OPCML: variants seen among roughly 807,000 people sequenced by gnomAD.
The protein encoded by OPCML is opioid-binding protein/cell adhesion molecule.
Under a neutral mutation model 37.8 loss-of-function variants are expected in OPCML, and 13 were observed. The ratio of observed to expected loss-of-function variants is 0.34; its 90% CI spans 0.22 to 0.55. The LOEUF is 0.55. Among genes scored for constraint, OPCML ranks in the 20% least tolerant of loss-of-function variants. OPCML has a pLI of 0.91. For synonymous variants in OPCML, 176 were observed against 168.8 expected, an observed-to-expected ratio of 1.04 and a Z score of -0.33; for missense variants, 341 against 435.6, an observed-to-expected ratio of 0.78 and a Z score of 1.93.
At chr11:132,760,238 G>C (rs1946211457) in intron 2 of OPCML, among the ~76,000 whole-genome samples, 1 of 152,072 alleles carries the variant, frequency 6.6e-6, no homozygotes, top group African/African-American at 2.4e-5. Flanking sequence ...AATTTTAGAA[G>C]AAGTGCTATG....
intron 1 of OPCML, among the ~76,000 whole-genome samples, chr11:133,314,167 G>A (rs1295461763): frequency 1.4e-5 from 2 of 144,832 alleles, no homozygotes; most frequent in East Asian, 2.0e-4. Context: ...CCCAGGAGTC[G>A]GAGCTTGCAG....
chr11:132,777,836 G>T (rs183223277), intron 2 of OPCML, among the ~76,000 whole-genome samples: 1 of 152,114 alleles, frequency 6.6e-6, no homozygotes, highest in Non-Finnish European at 1.5e-5. Context: ...GTTTAAAGGC[G>T]CAGACCACTT....
intron 1 of OPCML, among the ~76,000 whole-genome samples, chr11:133,246,393 G>A (rs1330466161): frequency 6.6e-6 from 1 of 152,156 alleles, no homozygotes; most frequent in African/African-American, 2.4e-5. Context: ...GCAAAGGAGA[G>A]CATGTAACAC....
intron 4 of OPCML, among the ~76,000 whole-genome samples, chr11:132,478,700 C>T (rs940924162): frequency 6.6e-6 from 1 of 152,100 alleles, no homozygotes; most frequent in African/African-American, 2.4e-5. Context: ...CAAGATAATA[C>T]TGCTTGAGCC....
chr11:133,395,320 G>A (rs1312921075), intron 1 of OPCML, among the ~76,000 whole-genome samples: 1 of 152,144 alleles, frequency 6.6e-6, no homozygotes, highest in East Asian at 1.9e-4. Context: ...CGTCCTGTGA[G>A]TTATCTCTAC....
intron 2 of OPCML, among the ~76,000 whole-genome samples, chr11:132,892,716 A>T (rs1374040399): frequency 6.6e-6 from 1 of 152,204 alleles, no homozygotes; most frequent in Admixed American, 6.5e-5. Context: ...GCGGTGAGCC[A>T]AGATCATGCC....
At chr11:133,069,402 G>A (rs1002975722) in intron 1 of OPCML, among the ~76,000 whole-genome samples, 4 of 152,160 alleles carry the variant, frequency 2.6e-5, no homozygotes, top group Non-Finnish European at 4.4e-5. Context: ...AGAATTGCTT[G>A]GAAGAACTTT....
At chr11:132,959,042 C>A (rs1177701998) in intron 1 of OPCML, among the ~76,000 whole-genome samples, 3 of 152,216 alleles carry the variant, frequency 2.0e-5, no homozygotes, top group African/African-American at 4.8e-5. Context: ...TCTGATGGAT[C>A]TGGCCAAAGT....
chr11:132,834,659 G>A (rs1023495715), intron 2 of OPCML, among the ~76,000 whole-genome samples: 1 of 152,128 alleles, frequency 6.6e-6, no homozygotes, highest in Admixed American at 6.5e-5. Context: ...GTGCATCTGT[G>A]TCCAAACTCC....
intron 2 of OPCML, among the ~76,000 whole-genome samples, chr11:132,825,554 T>C (rs1940258372): frequency 6.6e-6 from 1 of 152,210 alleles, no homozygotes; most frequent in Admixed American, 6.5e-5. Context: ...ATAAAGTTTG[T>C]AAAGTAACCA....
At chr11:132,749,087 T>A (rs888437249) in intron 2 of OPCML, among the ~76,000 whole-genome samples, 1 of 152,120 alleles carries the variant, frequency 6.6e-6, no homozygotes, top group Non-Finnish European at 1.5e-5. Flanking sequence ...GGAGCCCTCA[T>A]GAATGGGACC....
chr11:132,678,549 C>G (rs1295457107), intron 2 of OPCML, among the ~76,000 whole-genome samples: 4 of 152,132 alleles, frequency 2.6e-5, no homozygotes, highest in Non-Finnish European at 2.9e-5. Context: ...CAACAGAATA[C>G]TATTCAGTAG....
At chr11:133,038,924 G>C (rs560570258) in intron 1 of OPCML, among the ~76,000 whole-genome samples, 2 of 151,964 alleles carry the variant, frequency 1.3e-5, no homozygotes, top group Non-Finnish European at 2.9e-5. Context: ...GCTACAAAGC[G>C]TCCTGCAGTC....
chr11:133,394,218 G>A (rs1248050297), intron 1 of OPCML, among the ~76,000 whole-genome samples: 1 of 152,144 alleles, frequency 6.6e-6, no homozygotes, highest in Non-Finnish European at 1.5e-5. Context: ...GCCAAATTAT[G>A]TTAACAAAAA....
At chr11:133,199,525 T>C (rs515478) in intron 1 of OPCML, among the ~76,000 whole-genome samples, 107,396 of 152,038 alleles carry the variant, frequency 0.71, 39,973 homozygotes, top group African/African-American at 0.92. Flanking sequence ...GCTAAACAAG[T>C]CAACCCTCTA....
At chr11:132,436,817 A>G (rs1592171314) in intron 5 of OPCML, 38 bp from the exon 6 acceptor site, 1 of 1,603,020 alleles carries the variant, frequency 6.2e-7, no homozygotes, top group South Asian at 1.1e-5. Context: ...ACAGGCATGC[A>G]CGCACGCACA....
At chr11:133,207,623 C>G (rs988970881) in intron 1 of OPCML, among the ~76,000 whole-genome samples, 2 of 152,156 alleles carry the variant, frequency 1.3e-5, no homozygotes, top group African/African-American at 4.8e-5. Flanking sequence ...TCTGAGATTC[C>G]TCAAATTCTG....
chr11:133,009,449 C>T (rs1947174854), intron 1 of OPCML, among the ~76,000 whole-genome samples: 1 of 152,160 alleles, frequency 6.6e-6, no homozygotes, highest in African/African-American at 2.4e-5. Context: ...ATTGATCGAC[C>T]TAACTTAGGA....
intron 1 of OPCML, among the ~76,000 whole-genome samples, chr11:133,257,602 A>G (rs1941355948): frequency 6.6e-6 from 1 of 152,160 alleles, no homozygotes; most frequent in African/African-American, 2.4e-5. Context: ...CATGGCTGAG[A>G]GCACCTCTCA....
Sources: allele counts gnomAD v4.1 joint callset (sites outside exome capture counted in the v4.1 genomes callset), GRCh38; gene constraint gnomAD v4.1.1; transcripts MANE v1.5; gene names NCBI Gene and HGNC (gene_info 2026-07-23, HGNC 2026-07-21).